Variants in TRIM66 observed in about 807,000 individuals in gnomAD.
TRIM66 encodes the protein tripartite motif-containing protein 66.
In TRIM66, 99 loss-of-function variants were observed where a neutral mutation model predicts 148.2. The observed-to-expected ratio is 0.67, with a 90% CI of 0.57 to 0.79. The LOEUF is 0.79. TRIM66 is among the 30% of genes least tolerant of loss of function. TRIM66 has a pLI of 0.00. For synonymous variants in TRIM66, 616 were observed against 635.9 expected (o/e 0.97, Z 0.47); for missense variants, 1,666 against 1,697.9 (o/e 0.98, Z 0.33).
At chr11:8,642,740 C>T (rs544965570) in intron 13 of TRIM66, among the ~76,000 whole-genome samples, 50 of 144,338 alleles carry the variant, frequency 3.5e-4, no homozygotes, top group African/African-American at 1.3e-3. Flanking sequence ...ACCAATGTAA[C>T]AGGACATTTA....
At chr11:8,620,015 A>T in intron 22 of TRIM66, 35 bp downstream of exon 22, 1 of 1,537,466 alleles carries the variant, frequency 6.5e-7, no homozygotes. Flanking sequence ...TCCACATGCA[A>T]GGAGAAGGTG....
intron 15 of TRIM66, among the ~76,000 whole-genome samples, chr11:8,632,451 A>AT (rs386373046): frequency 2.2e-4 from 19 of 87,996 alleles, no homozygotes; most frequent in African/African-American, 5.4e-4. Flanking sequence ...TCACATGTTG[A>AT]TTTTTTTTTT....
intron 22 of TRIM66, 90 bp from the exon 23 acceptor site, chr11:8,619,625 AG>A: frequency 8.0e-7 from 1 of 1,253,104 alleles, no homozygotes; most frequent in Non-Finnish European, 1.1e-6. Context: ...ATGGAAAATG[AG>A]GTGAAATATA....
Position 8,621,077 on chromosome 11 carries a change from A to G in TRIM66, c.3500T>C (p.Val1167Ala), listed in dbSNP as rs1248027949. ...ELLCCDRCPK[V>A]FHLSCHVPAL... ...TGGCACATGGCAGGAGAGGTGGAACACTTTGGGGCAGCGGTCACAGCACAG... is the reference window on the plus strand; with the variant it reads ...TGGCACATGGCAGGAGAGGTGGAACGCTTTGGGGCAGCGGTCACAGCACAG... The change falls in exon 20 of 25, where the codon GTG becomes GCG. Residue 1167 changes from valine to alanine, a missense_variant. This residue lies in a region of TRIM66 where 1,431 missense variants were observed against 1,412.4 expected (regional missense o/e 1.01). Coordinates refer to ENST00000646038, the MANE Select transcript of TRIM66 (RefSeq NM_001388022.1). 6.4e-7 allele frequency: 1 copy of G among 1,551,578 alleles called. No homozygotes were observed. The highest frequency in any genetic ancestry group is 1.4e-5 in the African/African-American group (1 of 73,050).
intron 7 of TRIM66, among the ~76,000 whole-genome samples, chr11:8,650,334 C>T (rs986885601): frequency 6.6e-6 from 1 of 151,970 alleles, no homozygotes; most frequent in Non-Finnish European, 1.5e-5. Context: ...GATCGTACCA[C>T]TACACTCCAG....
rs537224510 is a variant in TRIM66, at chr11:8,618,633, C to A, written c.4119+117G>T. 3.5e-5 allele frequency: 33 copies of A among 954,596 alleles called. No homozygotes were observed. In the African/African-American group the frequency reaches 4.9e-4, roughly 14 times the overall value. The allele number at this position is 954,596 out of a possible 1,614,324, so 59.1% of individuals were successfully genotyped here. Reference sequence around the variant, plus strand: ...GGCTAAGGGGCTGGAAGTGAGGGTTCGTTGTCACCACCATCTTTTTGCACC... The same window carrying A: ...GGCTAAGGGGCTGGAAGTGAGGGTTAGTTGTCACCACCATCTTTTTGCACC... On this transcript the variant is annotated intron_variant, in intron 24 of 24. Coordinates refer to ENST00000646038, the MANE Select transcript of TRIM66 (RefSeq NM_001388022.1).
chr11:8,640,784 A>G lies in TRIM66; in HGVS notation c.1591T>C (p.Trp531Arg). Reference sequence around the variant, plus strand: ...TCCACGGGGGGCTGGGTTTCCAGCCAGGGCTGCAGCAGCTTTGGTGGATGA... The same window carrying G: ...TCCACGGGGGGCTGGGTTTCCAGCCGGGGCTGCAGCAGCTTTGGTGGATGA... ...SPHPPKLLQP[W>R]LETQPPVEQE... The change falls in exon 14 of 25, where the codon TGG (tryptophan) becomes CGG (arginine). Residue 531 changes from tryptophan (W) to arginine (R), a missense_variant. This residue lies in a region of TRIM66 where 1,431 missense variants were observed against 1,412.4 expected (regional missense o/e 1.01). Coordinates refer to ENST00000646038, the MANE Select transcript of TRIM66 (RefSeq NM_001388022.1). 1 of 1,551,186 alleles carries G rather than the reference A, an allele frequency of 6.4e-7. No homozygotes were observed. Among genetic ancestry groups the G allele is most frequent in the South Asian group, 1.2e-5 (1 of 84,042 alleles).
At position 8,638,790 on chromosome 11, in the gene TRIM66, T is replaced by C. The variant is rs1460958720; in HGVS notation, c.2174A>G (p.Gln725Arg). ...LQATDEPPAS[Q>R]GSKPALPLDK... ...AAGAGGGAGAGCCGGCTTTGAGCCC[T>C]GAGATGCTGGGGGCTCATCTGTAGC... The change falls in exon 15 of 25, where the codon CAG becomes CGG. Residue 725 changes from glutamine to arginine, a missense_variant. This residue lies in a region of TRIM66 where 1,431 missense variants were observed against 1,412.4 expected (regional missense o/e 1.01). Transcript: ENST00000646038. 1 of 1,550,982 alleles carries C rather than the reference T, an allele frequency of 6.4e-7. No individual in the cohort carries two copies. Among genetic ancestry groups the C allele is most frequent in the Non-Finnish European group, 8.7e-7 (1 of 1,146,596 alleles).
At chr11:8,654,138 TG>T (rs1296331982) in intron 6 of TRIM66, among the ~76,000 whole-genome samples, 1 of 152,226 alleles carries the variant, frequency 6.6e-6, no homozygotes, top group Non-Finnish European at 1.5e-5. Flanking sequence ...GAGAAAGAAC[TG>T]AATAGGTCAA....
intron 9 of TRIM66, 32 bp from the exon 10 acceptor site, chr11:8,648,118 G>C: frequency 2.0e-6 from 3 of 1,521,504 alleles, no homozygotes; most frequent in Non-Finnish European, 2.7e-6. Context: ...AAGCTGAGAA[G>C]GGCTGAGTCC....
At chr11:8,652,983 GAAA>G (rs1249444042) in intron 6 of TRIM66, among the ~76,000 whole-genome samples, 1 of 152,208 alleles carries the variant, frequency 6.6e-6, no homozygotes, top group Non-Finnish European at 1.5e-5. Context: ...GTAAAATAGG[GAAA>G]ATAAGAGTTG....
chr11:8,670,159 C>A (rs1026695225), intron 6 of TRIM66, among the ~76,000 whole-genome samples: 1 of 151,824 alleles, frequency 6.6e-6, no homozygotes. Flanking sequence ...ACTATAGGCA[C>A]GCAACACCAT....
chr11:8,646,689 C>CA (rs542425213), intron 10 of TRIM66, 128 bp from the exon 11 acceptor site: 33 of 667,268 alleles, frequency 4.9e-5, no homozygotes, highest in East Asian at 2.2e-4. Context: ...ACACCAAATA[C>CA]AAAAAAAAGA....
chr11:8,624,381 C>A lies in TRIM66; in HGVS notation c.2997G>T (p.Leu999=). The part of the protein sequence containing the change: ...LAPVVSTSTA[L]QQYQNPKECE... ...CACCTTTTGGGTTCTGGTACTGCTG[C>A]AGAGCTGTAGACGTGCTGACCACTG... Residue 999 remains leucine, a synonymous_variant, in exon 17 of 25, where the codon CTG becomes CTT. Transcript: ENST00000646038. 6.4e-7 allele frequency: 1 copy of A among 1,551,222 alleles called. No individual in the cohort carries two copies. The highest frequency in any genetic ancestry group is 1.2e-5 in the South Asian group (1 of 83,920).
At chr11:8,639,665 C>T (rs1009018024) in intron 14 of TRIM66, among the ~76,000 whole-genome samples, 7 of 152,162 alleles carry the variant, frequency 4.6e-5, no homozygotes, top group African/African-American at 9.7e-5. Context: ...GTAATGCCTA[C>T]CAAACAACAT....
intron 10 of TRIM66, 80 bp downstream of exon 10, chr11:8,647,890 A>T: frequency 9.3e-7 from 1 of 1,078,122 alleles, no homozygotes. Context: ...CAGGCACTAC[A>T]TCTGACGGCC....
chr11:8,635,582 G>C (rs1446164475), intron 15 of TRIM66, among the ~76,000 whole-genome samples: 1 of 152,152 alleles, frequency 6.6e-6, no homozygotes, highest in Non-Finnish European at 1.5e-5. Flanking sequence ...TCTAAGCCAG[G>C]ATGACAAACT....
chr11:8,678,501 A>G lies in TRIM66; in HGVS notation c.-190+1119T>C, dbSNP rs559237861. On this transcript the variant is annotated intron_variant, in intron 3 of 24. Coordinates refer to ENST00000646038, the MANE Select transcript of TRIM66 (RefSeq NM_001388022.1). ...AATACTCAGAAAAGAAAATGGCATC[A>G]CAGGGTGGAATGATTTGAGTTGCTT... Among the ~76,000 whole-genome samples, 4 of 152,340 alleles carry G rather than the reference A, an allele frequency of 2.6e-5. No individual in the cohort carries two copies. In the East Asian group the frequency reaches 7.7e-4, roughly 29 times the overall value.
intron 15 of TRIM66, among the ~76,000 whole-genome samples, chr11:8,631,564 T>C (rs1356337338): frequency 3.3e-5 from 5 of 152,218 alleles, no homozygotes; most frequent in Non-Finnish European, 5.9e-5. Flanking sequence ...TCAGTGATGC[T>C]TTCGGGAACT....
Sources: allele counts gnomAD v4.1 joint callset (sites outside exome capture counted in the v4.1 genomes callset), GRCh38; gene constraint gnomAD v4.1.1; regional missense constraint gnomAD v4.1.1; transcripts MANE v1.5; gene names NCBI Gene and HGNC (gene_info 2026-07-23, HGNC 2026-07-21).